The following SLC25A35 variants were observed in gnomAD, a reference collection of about 807,000 sequenced individuals.
SLC25A35 encodes the protein solute carrier family 25 member 35.
In SLC25A35, 32 loss-of-function variants were observed where a neutral mutation model predicts 30.5. The ratio of observed to expected loss-of-function variants is 1.05; its 90% confidence interval spans 0.79 to 1.41. The LOEUF (loss-of-function observed/expected upper bound fraction) is 1.41, where lower values mean the gene tolerates loss of function less well. Ranked by LOEUF, SLC25A35 falls within the 40% of genes most tolerant of loss-of-function variation. SLC25A35 has a pLI of 0.00. For missense variants in SLC25A35, 369 were observed against 388.0 expected (o/e 0.95, Z 0.41); for synonymous variants, 142 against 158.1 (o/e 0.90, Z 0.77).
chr17:8,292,252 G>A (rs1293195225), intron 2 of SLC25A35, among the ~76,000 whole-genome samples: 3 of 151,760 alleles, frequency 2.0e-5, no homozygotes, highest in African/African-American at 4.8e-5. Context: ...CAAGCTACTC[G>A]GGAGGCTGAG....
At chr17:8,288,512 C>A, downstream of SLC25A35, 1 of 547,918 alleles carries the variant, frequency 1.8e-6, no homozygotes, top group Non-Finnish European at 3.3e-6. Context: ...CGACATAGAC[C>A]CTAACCCTAA....
Position 8,295,162 on chromosome 17 carries a change from G to A in SLC25A35, c.-355C>T, listed in dbSNP as rs1193340468. 4 of 1,036,948 alleles carry A rather than the reference G, an allele frequency of 3.9e-6. No individual in the cohort carries two copies. Among genetic ancestry groups the A allele is most frequent in the Non-Finnish European group, 4.6e-6 (4 of 863,718 alleles). The allele number at this position is 1,036,948 out of a possible 1,614,324, so 64.2% of individuals were successfully genotyped here. ...ACGGGAGTAGAGGAGGGAATCGCGG[G>A]GTTGGGAGATGGAAGCCAGGGAGGC... On this transcript the variant is annotated 5_prime_UTR_variant, in exon 1 of 5. Transcript: ENST00000577745.
intron 2 of SLC25A35, 53 bp downstream of exon 2, chr17:8,292,470 A>C: frequency 6.4e-7 from 1 of 1,555,058 alleles, no homozygotes. Flanking sequence ...GCAGAAAGCT[A>C]GGGGAAAAGA....
downstream of SLC25A35, chr17:8,289,682 C>T (rs1366700507): frequency 2.5e-6 from 4 of 1,608,094 alleles, no homozygotes. Context: ...TGGTGGGATC[C>T]TCCAAGGAAG....
downstream of SLC25A35, chr17:8,289,068 G>C (rs781629730): frequency 1.2e-6 from 2 of 1,613,476 alleles, no homozygotes; most frequent in Admixed American, 3.3e-5. Context: ...CGAAGCGGCT[G>C]CGCGGTGAGG....
Position 8,294,626 on chromosome 17 carries a change from G to A in SLC25A35, c.182C>T (p.Ala61Val), listed in dbSNP as rs1194652216. 6.2e-7 allele frequency: 1 copy of A among 1,614,074 alleles called. No individual in the cohort carries two copies. The highest frequency in any genetic ancestry group is 8.5e-7 in the Non-Finnish European group (1 of 1,180,036). The change falls in exon 1 of 5, where the codon GCC becomes GTC. Residue 61 changes from alanine (A) to valine (V), a missense_variant. Physicochemically the swap from Ala to Val is moderately conservative, Grantham distance 64 (BLOSUM62 0). Coordinates refer to ENST00000577745, the MANE Select transcript of SLC25A35 (RefSeq NM_001320870.2). ...ITIGKVDGLA[A>V]LQKGLAPALL... is the part of the protein sequence containing the mutation. ...GGCGGGGGCCAGGCCTTTCTGCAGGGCAGCAAGGCCATCCACCTTGCCGAT... is the reference window on the plus strand; with the variant it reads ...GGCGGGGGCCAGGCCTTTCTGCAGGACAGCAAGGCCATCCACCTTGCCGAT...
chr17:8,289,372 G>A (rs1183934999), downstream of SLC25A35: 1 of 1,614,022 alleles, frequency 6.2e-7, no homozygotes, highest in Non-Finnish European at 8.5e-7. Flanking sequence ...AAGAAGCCTG[G>A]GTCCTCTCTG....
downstream of SLC25A35, chr17:8,288,922 G>A (rs1226218607): frequency 1.9e-6 from 3 of 1,613,468 alleles, no homozygotes; most frequent in African/African-American, 2.7e-5. Context: ...GGAAGAGACC[G>A]GGGTCAACCA....
intron 1 of SLC25A35, among the ~76,000 whole-genome samples, chr17:8,294,030 C>T (rs1426020090): frequency 1.3e-5 from 2 of 150,506 alleles, no homozygotes; most frequent in African/African-American, 4.9e-5. Context: ...ATTCTCCTGC[C>T]TCAGCCTCCC....
chr17:8,289,204 C>T (rs1031466951), downstream of SLC25A35: 11 of 1,606,728 alleles, frequency 6.8e-6, no homozygotes, highest in Admixed American at 6.7e-5. Flanking sequence ...CTTAAAGATG[C>T]TCCCGGGGAG....
Position 8,291,505 on chromosome 17 carries a change from G to A in SLC25A35, c.442-20C>T. 2 of 1,597,802 alleles carry A rather than the reference G, an allele frequency of 1.3e-6. No homozygotes were observed. Among genetic ancestry groups the A allele is most frequent in the Non-Finnish European group, 1.7e-6 (2 of 1,171,590 alleles). Reference sequence around the variant, plus strand: ...CATGCCCTAGTGTGGGGAAGACCGGGGGTGGGGTTCAGACAGCCCAGCATC... The same window carrying A: ...CATGCCCTAGTGTGGGGAAGACCGGAGGTGGGGTTCAGACAGCCCAGCATC... On this transcript the variant is annotated intron_variant, in intron 2 of 4. Transcript: ENST00000577745.
chr17:8,293,529 C>G (rs947671995), intron 1 of SLC25A35, among the ~76,000 whole-genome samples: 2 of 151,312 alleles, frequency 1.3e-5, no homozygotes, highest in African/African-American at 4.9e-5. Flanking sequence ...TGAAGCTCAA[C>G]AACTAGTAAT....
intron 1 of SLC25A35, among the ~76,000 whole-genome samples, chr17:8,293,627 C>G (rs1243170792): frequency 2.7e-5 from 4 of 150,284 alleles, no homozygotes; most frequent in Admixed American, 6.7e-5. Flanking sequence ...TCTCAGCTCA[C>G]TGCAAGCTCC....
downstream of SLC25A35, chr17:8,289,416 T>C (rs776394036): frequency 6.2e-7 from 1 of 1,613,860 alleles, no homozygotes; most frequent in African/African-American, 1.3e-5. Flanking sequence ...AACCAGCAGG[T>C]GAGGGCCCGA....
At chr17:8,294,148 C>T (rs985323574) in intron 1 of SLC25A35, among the ~76,000 whole-genome samples, 11 of 152,012 alleles carry the variant, frequency 7.2e-5, no homozygotes, top group Non-Finnish European at 1.6e-4. Context: ...ATCTCCTGAC[C>T]TCGTGATCCG....
chr17:8,291,295 C>A (rs368667906), intron 3 of SLC25A35, 38 bp downstream of exon 3: 24 of 1,608,978 alleles, frequency 1.5e-5, no homozygotes, highest in Middle Eastern at 1.7e-4. Flanking sequence ...CCCCTTCCCC[C>A]CTTCCCGAAA....
rs1990412725 is a variant in SLC25A35 at position 8,290,610 on chromosome 17, C to T, written c.798G>A (p.Met266Ile). Residue 266 changes from methionine to isoleucine, a missense_variant, in exon 5 of 5, where the codon ATG becomes ATA. Met to Ile is a conservative substitution (Grantham distance 10). Transcript: ENST00000577745. ...QTARTEGIFG[M>I]YKGIGASYFR... Reference sequence around the variant, plus strand: ...AGTAGGAGGCACCTATACCCTTGTACATGCCAAAAATGCCCTCGGTCCGAG... The same window carrying T: ...AGTAGGAGGCACCTATACCCTTGTATATGCCAAAAATGCCCTCGGTCCGAG... 1 of 1,537,042 alleles carries T rather than the reference C, an allele frequency of 6.5e-7. No individual in the cohort carries two copies. Among genetic ancestry groups the T allele is most frequent in the African/African-American group, 1.4e-5 (1 of 73,032 alleles).
Position 8,290,129 on chromosome 17 carries a change from C to T in SLC25A35, c.*376G>A, listed in dbSNP as rs1162846269. 8 of 1,462,218 alleles carry T rather than the reference C, an allele frequency of 5.5e-6. No homozygotes were observed. The highest frequency in any genetic ancestry group is 2.5e-4 in the Middle Eastern group (1 of 3,994). 90.6% of individuals were successfully genotyped at this position (1,462,218 alleles called of 1,614,324 possible). A position where few individuals can be genotyped will look rare whatever the true frequency, so the allele number is the denominator to read the frequency against. ...TTGAATCTAACAGGACACCTGGGTC[C>T]CAGACGCCTGGGAATTGGGTCTCTC... On this transcript the variant is annotated 3_prime_UTR_variant, in exon 5 of 5. Coordinates refer to ENST00000577745, the MANE Select transcript of SLC25A35 (RefSeq NM_001320870.2).
chr17:8,290,541 G>T lies in SLC25A35; in HGVS notation c.867C>A (p.Asp289Glu). The T allele has an allele frequency of 2.0e-6, 3 of 1,536,114 alleles. No individual in the cohort carries two copies. The highest frequency in any genetic ancestry group is 2.6e-6 in the Non-Finnish European group (3 of 1,146,898). Residue 289 changes from aspartate (D) to glutamate (E), a missense_variant, in exon 5 of 5, where the codon GAC becomes GAA. Coordinates refer to ENST00000577745, the MANE Select transcript of SLC25A35 (RefSeq NM_001320870.2). ...PHTILSLFFW[D>E]QLRSLYYTDT... ...CTGTGTAGTAGAGGGAGCGCAGCTGGTCCCAGAAGAAGAGGGAGAGGATGG... is the reference window on the plus strand; with the variant it reads ...CTGTGTAGTAGAGGGAGCGCAGCTGTTCCCAGAAGAAGAGGGAGAGGATGG...
Sources: allele counts gnomAD v4.1 joint callset (sites outside exome capture counted in the v4.1 genomes callset), GRCh38; gene constraint gnomAD v4.1.1; transcripts MANE v1.5; gene names NCBI Gene and HGNC (gene_info 2026-07-23, HGNC 2026-07-21).